C10orf67: variants seen among roughly 807,000 people sequenced by gnomAD.
C10orf67 encodes uncharacterized protein C10orf67, mitochondrial.
Under a neutral mutation model 35.6 loss-of-function variants are expected in C10orf67, and 60 were observed. That is an observed-to-expected ratio of 1.68 (90% CI 1.37 to 2.09). The LOEUF (loss-of-function observed/expected upper bound fraction) is 2.09, where lower values mean the gene tolerates loss of function less well. Among genes scored for constraint, C10orf67 ranks in the 30% most tolerant of loss-of-function variants. The pLI is 0.00. For missense variants in C10orf67, 474 were observed against 330.2 expected (o/e 1.44, Z -3.38); for synonymous variants, 167 against 115.8 (o/e 1.44, Z -2.84).
rs573084910 is a variant in C10orf67, at chr10:23,230,508, A to G, written c.1435-6690T>C. Among the ~76,000 whole-genome samples the G allele has an allele frequency of 5.9e-5, 9 of 152,326 alleles. 1 individual carries two copies. Among genetic ancestry groups the G allele is most frequent in the African/African-American group, 2.2e-4 (9 of 41,580 alleles). Reference sequence around the variant, plus strand: ...ATTTATTTATTACAAAAGCCAGAAAAAGATTAAAAACTTAATCCACAAACT... The same window carrying G: ...ATTTATTTATTACAAAAGCCAGAAAGAGATTAAAAACTTAATCCACAAACT... On this transcript the variant is annotated intron_variant, in intron 13 of 15. Transcript: ENST00000636213.
At chr10:23,344,041 T>G (rs11013408) in intron 1 of C10orf67, 197,448 of 348,864 alleles carry the variant, frequency 0.57, 58,160 homozygotes, top group East Asian at 0.86. Context: ...CCGCTCGCTC[T>G]CCTGAGTCGG....
At chr10:23,246,802 A>T (rs1011215183) in intron 12 of C10orf67, among the ~76,000 whole-genome samples, 1 of 152,228 alleles carries the variant, frequency 6.6e-6, no homozygotes. Flanking sequence ...CAAAAGCTTA[A>T]AGAATAAGAA....
At chr10:23,234,167 T>C (rs1265949343) in intron 13 of C10orf67, among the ~76,000 whole-genome samples, 2 of 152,192 alleles carry the variant, frequency 1.3e-5, no homozygotes, top group Non-Finnish European at 2.9e-5. Context: ...GCAATCCCAT[T>C]ACTGGGCATA....
At chr10:23,250,337 G>A (rs1489562714) in intron 12 of C10orf67, 118 bp downstream of exon 12, 1 of 394,660 alleles carries the variant, frequency 2.5e-6, no homozygotes, top group Non-Finnish European at 4.5e-6. Flanking sequence ...TGCATTTCTT[G>A]TAGAAGTATA....
chr10:23,291,270 C>A lies in C10orf67; in HGVS notation c.712G>T (p.Ala238Ser). Residue 238 changes from alanine (A) to serine (S), a missense_variant, in exon 6 of 16, where the codon GCC becomes TCC. Ala to Ser is a moderately conservative substitution (Grantham distance 99, BLOSUM62 1). Transcript: ENST00000636213. The part of the protein sequence containing the change: ...DFGFHKMESF[A>S]KETSSPKSNL... ...GATTTTGGAGAGCTGGTTTCTTTGG[C>A]AAAAGATTCCTAAAAGATGGAGAAT... The A allele has an allele frequency of 1.4e-6, 1 of 713,362 alleles. No homozygotes were observed. Among genetic ancestry groups the A allele is most frequent in the Non-Finnish European group, 2.6e-6 (1 of 384,230 alleles). 44.2% of individuals were successfully genotyped at this position (713,362 alleles called of 1,614,324 possible).
At chr10:23,278,830 C>A (rs1038426047) in intron 8 of C10orf67, among the ~76,000 whole-genome samples, 2 of 152,210 alleles carry the variant, frequency 1.3e-5, no homozygotes, top group African/African-American at 2.4e-5. Flanking sequence ...GAGAAATCTA[C>A]CTGCTGATTT....
chr10:23,239,665 A>G (rs1469558325), intron 13 of C10orf67, 64 bp downstream of exon 13: 2 of 603,000 alleles, frequency 3.3e-6, no homozygotes, highest in Non-Finnish European at 6.5e-6. Context: ...TTAAACGAGA[A>G]CAGAAAGAAA....
At chr10:23,238,001 G>A (rs1457368586) in intron 13 of C10orf67, among the ~76,000 whole-genome samples, 1 of 152,190 alleles carries the variant, frequency 6.6e-6, no homozygotes, top group Non-Finnish European at 1.5e-5. Flanking sequence ...AAATTCTGGT[G>A]TTTCCCTATT....
intron 15 of C10orf67, among the ~76,000 whole-genome samples, chr10:23,223,320 G>C (rs1841637516): frequency 6.6e-6 from 1 of 152,098 alleles, no homozygotes; most frequent in African/African-American, 2.4e-5. Flanking sequence ...CTGGTTTCAA[G>C]TGATCCTCCC....
intron 4 of C10orf67, chr10:23,318,832 C>A: frequency 1.3e-6 from 1 of 753,124 alleles, no homozygotes. Flanking sequence ...GGCTCCATGA[C>A]ATTACCAAGG....
intron 8 of C10orf67, among the ~76,000 whole-genome samples, chr10:23,279,875 G>C (rs1293731782): frequency 1.3e-5 from 2 of 151,932 alleles, no homozygotes; most frequent in Non-Finnish European, 2.9e-5. Context: ...TAAATAGACA[G>C]TGTCTTGCTC....
At chr10:23,244,989 T>G (rs1297560134) in intron 12 of C10orf67, among the ~76,000 whole-genome samples, 5 of 152,196 alleles carry the variant, frequency 3.3e-5, no homozygotes, top group Admixed American at 3.3e-4. Context: ...ACAGTATGAT[T>G]GTACTGACAT....
chr10:23,301,551 A>C (rs971074037), intron 5 of C10orf67, among the ~76,000 whole-genome samples: 2 of 152,234 alleles, frequency 1.3e-5, no homozygotes, highest in African/African-American at 4.8e-5. Flanking sequence ...CCTTGCACCC[A>C]GAGCTCCCAA....
intron 4 of C10orf67, among the ~76,000 whole-genome samples, chr10:23,319,416 A>G (rs1396607457): frequency 2.0e-5 from 3 of 152,118 alleles, no homozygotes; most frequent in Non-Finnish European, 4.4e-5. Flanking sequence ...GTTGATGGGC[A>G]TCTAGGTTAA....
intron 2 of C10orf67, among the ~76,000 whole-genome samples, chr10:23,324,574 C>T (rs1845107999): frequency 1.3e-5 from 2 of 152,212 alleles, no homozygotes; most frequent in South Asian, 2.1e-4. Context: ...CTTCCTCAAG[C>T]ATGAGTCAAG....
At chr10:23,220,830 G>A (rs1328327369) in intron 15 of C10orf67, among the ~76,000 whole-genome samples, 1 of 152,182 alleles carries the variant, frequency 6.6e-6, no homozygotes, top group African/African-American at 2.4e-5. Flanking sequence ...ATTTCACAAA[G>A]TATTTTGTGG....
chr10:23,223,212 T>G (rs987657794), intron 15 of C10orf67, among the ~76,000 whole-genome samples: 4 of 152,146 alleles, frequency 2.6e-5, no homozygotes, highest in Non-Finnish European at 5.9e-5. Context: ...TAGCCTGGAC[T>G]ACAGGTTCAT....
chr10:23,318,758 A>G (rs1844832344), intron 4 of C10orf67: 2 of 644,586 alleles, frequency 3.1e-6, no homozygotes, highest in African/African-American at 1.8e-5. Flanking sequence ...TGGCTTAGAC[A>G]CTGAGGGGTT....
intron 13 of C10orf67, among the ~76,000 whole-genome samples, chr10:23,225,166 A>C (rs1425553496): frequency 6.6e-6 from 1 of 152,230 alleles, no homozygotes; most frequent in African/African-American, 2.4e-5. Flanking sequence ...CTAACAGCGG[A>C]TCTCTCGGCA....
Sources: allele counts gnomAD v4.1 joint callset (sites outside exome capture counted in the v4.1 genomes callset), GRCh38; gene constraint gnomAD v4.1.1; transcripts MANE v1.5; gene names NCBI Gene and HGNC (gene_info 2026-07-23, HGNC 2026-07-21).